The following METTL15 variants were observed in gnomAD, a reference collection of about 807,000 sequenced individuals.
METTL15 encodes 12S rRNA N(4)-cytidine methyltransferase METTL15.
Under a neutral mutation model 38.3 loss-of-function variants are expected in METTL15, and 34 were observed. The ratio of observed to expected loss-of-function variants is 0.89; its 90% CI spans 0.68 to 1.18. The LOEUF (loss-of-function observed/expected upper bound fraction) is 1.18, where lower values mean the gene tolerates loss of function less well. Among genes scored for constraint, METTL15 ranks in the 50% most tolerant of loss-of-function variants. The pLI is 0.00. For synonymous variants in METTL15, 162 were observed against 170.9 expected, an observed-to-expected ratio of 0.95 and a Z score of 0.41; for missense variants, 438 against 498.4, an observed-to-expected ratio of 0.88 and a Z score of 1.15.
At chr11:28,283,684 G>C (rs1243072800) in intron 4 of METTL15, among the ~76,000 whole-genome samples, 1 of 152,136 alleles carries the variant, frequency 6.6e-6, no homozygotes, top group Non-Finnish European at 1.5e-5. Flanking sequence ...TACAGTCAGA[G>C]AACCTCAGAA....
intron 6 of METTL15, among the ~76,000 whole-genome samples, chr11:28,303,610 G>A (rs575588527): frequency 5.9e-5 from 9 of 152,178 alleles, no homozygotes; most frequent in African/African-American, 1.9e-4. Flanking sequence ...TTCCTTTCCT[G>A]AAACTTTTGT....
At chr11:28,152,550 G>C (rs537956395) in intron 3 of METTL15, among the ~76,000 whole-genome samples, 1 of 151,740 alleles carries the variant, frequency 6.6e-6, no homozygotes, top group Admixed American at 6.6e-5. Flanking sequence ...GTCTTTGAGG[G>C]CCTTTTTTTT....
At chr11:28,216,905 G>T (rs1852907448) in intron 4 of METTL15, among the ~76,000 whole-genome samples, 1 of 151,532 alleles carries the variant, frequency 6.6e-6, no homozygotes, top group South Asian at 2.1e-4. Flanking sequence ...CTTTTTTTAT[G>T]GCTGCATAGT....
chr11:28,133,778 C>G (rs570071129), intron 3 of METTL15, among the ~76,000 whole-genome samples: 2 of 152,028 alleles, frequency 1.3e-5, no homozygotes, highest in Admixed American at 1.3e-4. Flanking sequence ...TAACCAAGCC[C>G]GCAACCTTGT....
intron 6 of METTL15, among the ~76,000 whole-genome samples, chr11:28,442,308 A>G (rs991196223): frequency 1.3e-5 from 2 of 152,198 alleles, no homozygotes; most frequent in Admixed American, 6.5e-5. Flanking sequence ...TTCAAAGGGC[A>G]TATTTCCTGA....
At position 28,223,756 on chromosome 11, in the gene METTL15, C is replaced by T. The variant is rs149554760; in HGVS notation, c.407+12558C>T. The stretch of plus-strand genomic sequence containing the variant: ...ATTTTAGCTCTTTCAGAAAAGATGA[C>T]ATGTCAGATCACCTGTTGTTTGAAG... On this transcript the variant is annotated intron_variant, in intron 4 of 6. Coordinates refer to ENST00000407364, the MANE Select transcript of METTL15 (RefSeq NM_001113528.2). Among the ~76,000 whole-genome samples, 138 of 152,200 alleles carry T rather than the reference C, an allele frequency of 9.1e-4. 1 individual carries two copies. The highest frequency in any genetic ancestry group is 3.0e-3 in the African/African-American group (125 of 41,562).
chr11:28,421,932 G>C (rs190337559), intron 5 of METTL15, among the ~76,000 whole-genome samples: 1 of 151,806 alleles, frequency 6.6e-6, no homozygotes, highest in South Asian at 2.1e-4. Context: ...TCTTATATTT[G>C]GAATACCGTA....
intron 3 of METTL15, among the ~76,000 whole-genome samples, chr11:28,339,468 A>G (rs1053777723): frequency 1.3e-5 from 2 of 151,850 alleles, no homozygotes; most frequent in South Asian, 2.1e-4. Flanking sequence ...ACTAAAAATC[A>G]TCAACTAAAA....
intron 6 of METTL15, among the ~76,000 whole-genome samples, chr11:28,430,520 C>T (rs1182220121): frequency 3.4e-5 from 1 of 29,192 alleles, no homozygotes; most frequent in Non-Finnish European, 7.9e-5. Context: ...GCCCCCCACC[C>T]GGCCAGCCGC....
intron 5 of METTL15, among the ~76,000 whole-genome samples, chr11:28,296,128 A>C (rs1374632130): frequency 6.6e-6 from 1 of 152,148 alleles, no homozygotes; most frequent in Non-Finnish European, 1.5e-5. Context: ...ATTGATTACC[A>C]GGTTTTACCA....
At chr11:28,183,505 A>G (rs921478009) in intron 3 of METTL15, among the ~76,000 whole-genome samples, 5 of 152,018 alleles carry the variant, frequency 3.3e-5, no homozygotes, top group South Asian at 2.1e-4. Context: ...TTCTGCATCT[A>G]TTGAGATAAT....
rs977912468 is a variant in METTL15, at chr11:28,356,262, T to C, written c.*258+4104T>C. ...CATTTATGTATTTGCTTCACTATTT[T>C]CGGTCTCCTCCCACTGGATTTCAAG... On this transcript the variant is annotated intron_variant and NMD_transcript_variant, in intron 4 of 7. Transcript: ENST00000532947. Among the ~76,000 whole-genome samples the C allele has an allele frequency of 9.2e-5, 14 of 152,312 alleles. 1 individual carries two copies. The highest frequency in any genetic ancestry group is 7.2e-4 in the Admixed American group (11 of 15,292).
intron 6 of METTL15, among the ~76,000 whole-genome samples, chr11:28,523,009 T>A (rs1421941304): frequency 6.6e-6 from 1 of 152,190 alleles, no homozygotes; most frequent in Non-Finnish European, 1.5e-5. Flanking sequence ...GATACAACAT[T>A]GAATACAATG....
At chr11:28,501,772 T>G (rs930074395) in intron 6 of METTL15, among the ~76,000 whole-genome samples, 1 of 152,168 alleles carries the variant, frequency 6.6e-6, no homozygotes, top group East Asian at 1.9e-4. Context: ...GCAGTAGATA[T>G]GAGCAAGAAC....
intron 3 of METTL15, chr11:28,125,769 T>C (rs538525981): frequency 6.6e-6 from 1 of 152,230 alleles, no homozygotes; most frequent in Admixed American, 6.6e-5. Context: ...TGTTAAGTTC[T>C]TTTTTGGATA....
intron 3 of METTL15, among the ~76,000 whole-genome samples, chr11:28,209,940 A>G (rs764309632): frequency 1.3e-5 from 2 of 152,046 alleles, no homozygotes; most frequent in African/African-American, 2.4e-5. Context: ...ATATTATTAG[A>G]GTAATTGTTT....
intron 6 of METTL15, among the ~76,000 whole-genome samples, chr11:28,473,575 T>G (rs994070187): frequency 5.3e-5 from 8 of 152,070 alleles, no homozygotes; most frequent in Non-Finnish European, 1.2e-4. Context: ...ATGACTCTTT[T>G]CTCTTGAGAG....
At chr11:28,307,626 A>G (rs1194970058) in intron 6 of METTL15, among the ~76,000 whole-genome samples, 2 of 152,122 alleles carry the variant, frequency 1.3e-5, no homozygotes, top group African/African-American at 2.4e-5. Context: ...GCCATAAAAT[A>G]CAGGGTCAGT....
chr11:28,401,601 T>G (rs1206696671), intron 5 of METTL15, among the ~76,000 whole-genome samples: 1 of 151,968 alleles, frequency 6.6e-6, no homozygotes, highest in African/African-American at 2.4e-5. Context: ...AAGCCCATAC[T>G]AGCCCACACA....
Sources: gnomAD v4.1 joint callset for allele counts (sites outside exome capture counted in the v4.1 genomes callset) on GRCh38, gnomAD v4.1.1 for gene constraint, MANE v1.5 for transcripts, NCBI Gene and HGNC (gene_info 2026-07-23, HGNC 2026-07-21) for gene names.